The following SAMMSON variants were observed in gnomAD, a reference collection of about 807,000 sequenced individuals.
SAMMSON encodes survival associated mitochondrial melanoma specific oncogenic non-coding RNA.
chr3:70,131,248 A>G (rs2067481338), intron 4 of SAMMSON, among the ~76,000 whole-genome samples: 2 of 152,182 alleles, frequency 1.3e-5, no homozygotes, highest in Admixed American at 1.3e-4. Context: ...TTCTCAGGAT[A>G]GCATTATTTT....
intron 1 of SAMMSON, among the ~76,000 whole-genome samples, chr3:70,000,625 G>A (rs1337406867): frequency 1.3e-5 from 2 of 152,120 alleles, no homozygotes; most frequent in African/African-American, 4.8e-5. Context: ...TATGCTTACT[G>A]TATTAGTTAA....
At chr3:70,096,368 A>G (rs1283315810) in intron 4 of SAMMSON, among the ~76,000 whole-genome samples, 2 of 152,128 alleles carry the variant, frequency 1.3e-5, no homozygotes, top group Non-Finnish European at 2.9e-5. Flanking sequence ...ACATACTGGG[A>G]CCTCGTCTCT....
intron 4 of SAMMSON, among the ~76,000 whole-genome samples, chr3:70,194,909 A>G (rs574973569): frequency 6.6e-6 from 1 of 152,224 alleles, no homozygotes; most frequent in Non-Finnish European, 1.5e-5. Context: ...CTCAGAGAGG[A>G]GCCAAGAGGG....
chr3:70,095,313 C>T (rs2067319361), intron 4 of SAMMSON, among the ~76,000 whole-genome samples: 1 of 152,138 alleles, frequency 6.6e-6, no homozygotes, highest in South Asian at 2.1e-4. Context: ...TTTTAAGCTA[C>T]TTTTACCTTC....
At chr3:70,121,943 C>T (rs2067436429) in intron 4 of SAMMSON, among the ~76,000 whole-genome samples, 1 of 152,154 alleles carries the variant, frequency 6.6e-6, no homozygotes, top group Non-Finnish European at 1.5e-5. Flanking sequence ...AGTCCAGGCA[C>T]TTGGTATGAA....
intron 7 of SAMMSON, among the ~76,000 whole-genome samples, chr3:70,332,180 G>A (rs1283619138): frequency 6.6e-6 from 1 of 152,172 alleles, no homozygotes; most frequent in Non-Finnish European, 1.5e-5. Context: ...CAAACACACA[G>A]CATTCAAAAG....
intron 7 of SAMMSON, among the ~76,000 whole-genome samples, chr3:70,330,033 C>T (rs1047374527): frequency 5.3e-5 from 8 of 151,698 alleles, no homozygotes; most frequent in African/African-American, 1.9e-4. Context: ...TATAAAAAGA[C>T]GGCCAGAAAA....
intron 3 of SAMMSON, among the ~76,000 whole-genome samples, chr3:70,027,560 A>G (rs1368047038): frequency 6.6e-6 from 1 of 152,214 alleles, no homozygotes; most frequent in African/African-American, 2.4e-5. Flanking sequence ...GAATCATTTT[A>G]CTAAATCGAG....
At chr3:70,111,957 GA>G (rs566443220) in intron 4 of SAMMSON, among the ~76,000 whole-genome samples, 84 of 152,184 alleles carry the variant, frequency 5.5e-4, no homozygotes, top group Non-Finnish European at 9.7e-4. Context: ...TTGAAAGGTA[GA>G]ATGAGAAGGT....
At chr3:70,056,008 G>C (rs910202475) in intron 3 of SAMMSON, among the ~76,000 whole-genome samples, 1 of 152,032 alleles carries the variant, frequency 6.6e-6, no homozygotes, top group African/African-American at 2.4e-5. Flanking sequence ...TGAAAGAAGA[G>C]AGCAATATTT....
At position 70,197,285 on chromosome 3, in the gene SAMMSON, T is replaced by C. The variant is rs1701191635; in HGVS notation, n.508-51822T>C. On this transcript the variant is annotated intron_variant and non_coding_transcript_variant, in intron 4 of 9. Coordinates refer to ENST00000642114, the Ensembl canonical transcript of SAMMSON. Reference sequence around the variant, plus strand: ...TACTTGATAACTTGATAGCCAACTCTTAATTATTTATCCACATTAGGGGTA... The same window carrying C: ...TACTTGATAACTTGATAGCCAACTCCTAATTATTTATCCACATTAGGGGTA... 9 of 397,486 alleles carry C rather than the reference T, an allele frequency of 2.3e-5. No homozygotes were observed. In the East Asian group the frequency reaches 3.2e-4, roughly 14 times the overall value. The allele number at this position is 397,486 out of a possible 1,614,324, so 24.6% of individuals were successfully genotyped here. A position where few individuals can be genotyped will look rare whatever the true frequency, so the allele number is the denominator to read the frequency against.
chr3:70,165,219 T>C (rs950829505), intron 4 of SAMMSON, among the ~76,000 whole-genome samples: 4 of 152,012 alleles, frequency 2.6e-5, no homozygotes, highest in Non-Finnish European at 5.9e-5. Context: ...CTAGATGATA[T>C]GGAAAGAACA....
chr3:70,250,335 T>A (rs1031048657), intron 6 of SAMMSON, among the ~76,000 whole-genome samples: 1 of 152,160 alleles, frequency 6.6e-6, no homozygotes, highest in South Asian at 2.1e-4. Context: ...CAGCGACATT[T>A]TTTAGGTAAT....
chr3:70,313,692 G>T (rs554439762), intron 7 of SAMMSON, among the ~76,000 whole-genome samples: 1 of 152,148 alleles, frequency 6.6e-6, no homozygotes, highest in African/African-American at 2.4e-5. Context: ...TCCATTATCA[G>T]ATTCCTTTAT....
At chr3:70,390,058 C>G (rs894919351), downstream of SAMMSON, among the ~76,000 whole-genome samples, 1 of 152,114 alleles carries the variant, frequency 6.6e-6, no homozygotes, top group East Asian at 1.9e-4. Context: ...CTGTAATACA[C>G]TTCTGAACCT....
chr3:70,241,089 A>G (rs1701663840), intron 4 of SAMMSON, among the ~76,000 whole-genome samples: 2 of 152,088 alleles, frequency 1.3e-5, no homozygotes, highest in African/African-American at 4.8e-5. Context: ...GGTGACACTG[A>G]CTTCTGTGAC....
At chr3:70,007,208 T>G (rs4293707) in intron 1 of SAMMSON, among the ~76,000 whole-genome samples, 5 of 152,018 alleles carry the variant, frequency 3.3e-5, no homozygotes, top group African/African-American at 9.6e-5. Context: ...TTTAAGATCC[T>G]TGAGGAATCG....
chr3:70,083,463 G>A (rs1384508516), intron 4 of SAMMSON, among the ~76,000 whole-genome samples: 1 of 152,110 alleles, frequency 6.6e-6, no homozygotes, highest in African/African-American at 2.4e-5. Context: ...GGGTGGAAGT[G>A]GTTCCACCTT....
chr3:70,358,013 T>G (rs902531702), intron 8 of SAMMSON, among the ~76,000 whole-genome samples: 3 of 152,190 alleles, frequency 2.0e-5, no homozygotes, highest in African/African-American at 7.2e-5. Flanking sequence ...GTCTGGTGTA[T>G]CTGTGGTGTA....
Sources: gnomAD v4.1 joint callset for allele counts (sites outside exome capture counted in the v4.1 genomes callset) on GRCh38, gnomAD v4.1.1 for gene constraint, MANE v1.5 for transcripts, NCBI Gene and HGNC (gene_info 2026-07-23, HGNC 2026-07-21) for gene names.